The following SGPP2 variants were observed in gnomAD, a reference collection of about 807,000 sequenced individuals.
SGPP2 encodes sphingosine 1-phosphate phosphohydrolase 2.
In SGPP2, 30 loss-of-function variants were observed where a neutral mutation model predicts 33.9. That is an observed-to-expected ratio of 0.89 (90% CI 0.66 to 1.20). SGPP2 has a LOEUF of 1.20. SGPP2 is among the 50% of genes most tolerant of loss of function. The pLI, the probability that SGPP2 is intolerant of heterozygous loss-of-function variation, is 0.00. For missense variants in SGPP2, 458 were observed against 532.1 expected (o/e 0.86, Z 1.37); for synonymous variants, 233 against 225.0 (o/e 1.04, Z -0.32).
intron 4 of SGPP2, among the ~76,000 whole-genome samples, chr2:222,542,800 CTTCT>C (rs1283407869): frequency 2.7e-5 from 4 of 150,252 alleles, no homozygotes; most frequent in Non-Finnish European, 5.9e-5. Flanking sequence ...GTATTCCAAA[CTTCT>C]TTTTCTTTTC....
At position 222,521,813 on chromosome 2, in the gene SGPP2, C is replaced by T. The variant is rs757363650; in HGVS notation, c.425C>T (p.Pro142Leu). 1 of 1,610,084 alleles carries T rather than the reference C, an allele frequency of 6.2e-7. No homozygotes were observed. The highest frequency in any genetic ancestry group is 1.1e-5 in the South Asian group (1 of 90,188). The change falls in exon 3 of 5, where the codon CCC becomes CTC. Residue 142 changes from proline to leucine, a missense_variant. Pro to Leu is a moderately conservative substitution (Grantham distance 98). Transcript: ENST00000321276. ...GQVAKDVLKW[P>L]RPSSPPVVKL... ...GTGGCCAAGGATGTCTTGAAGTGGC[C>T]CCGTCCCTCCTCCCCTCCAGTTGTA...
In SGPP2 at chr2:222,476,625, C is replaced by A. The variant is rs771812562; in HGVS notation, c.378+1899C>A. ...CCTTCTGTTCTTAACATCTGAAAAC[C>A]CTTGGAAAACCTATGGGCTTGAGTT... On this transcript the variant is annotated intron_variant, in intron 2 of 4. Transcript: ENST00000321276. The surrounding 1 kb of genome is among the most constrained non-coding windows in gnomAD (Gnocchi z 4.3). Among the ~76,000 whole-genome samples the A allele has an allele frequency of 1.3e-5, 2 of 151,874 alleles. No homozygotes were observed. Among genetic ancestry groups the A allele is most frequent in the African/African-American group, 2.4e-5 (1 of 41,304 alleles).
At chr2:222,454,210 G>C (rs897748319) in intron 1 of SGPP2, among the ~76,000 whole-genome samples, 1 of 152,142 alleles carries the variant, frequency 6.6e-6, no homozygotes, top group Non-Finnish European at 1.5e-5. Context: ...GCAAGCATCT[G>C]AAGATAAAGA....
At position 222,474,639 on chromosome 2, in the gene SGPP2, C is replaced by G; in HGVS notation, c.291C>G (p.Gly97=). 1 of 1,613,838 alleles carries G rather than the reference C, an allele frequency of 6.2e-7. No individual in the cohort carries two copies. The highest frequency in any genetic ancestry group is 8.5e-7 in the Non-Finnish European group (1 of 1,179,842). The stretch of plus-strand genomic sequence containing the variant: ...TATTCCAATTTTCAGCTGCTTTGGG[C>G]CAAGAAGTGTTCTACATCACGTTTC... ...YYLFQFSAAL[G]QEVFYITFLP... The change falls in exon 2 of 5, where the codon GGC becomes GGG. Residue 97 remains glycine, a synonymous_variant. Coordinates refer to ENST00000321276, the MANE Select transcript of SGPP2 (RefSeq NM_152386.4).
At chr2:222,539,493 A>T (rs1312159379) in intron 4 of SGPP2, among the ~76,000 whole-genome samples, 2 of 152,210 alleles carry the variant, frequency 1.3e-5, no homozygotes, top group African/African-American at 4.8e-5. Flanking sequence ...GTCCGGCACC[A>T]CTACCAGATC....
At chr2:222,425,977 G>A (rs571411895) in intron 1 of SGPP2, among the ~76,000 whole-genome samples, 1 of 151,942 alleles carries the variant, frequency 6.6e-6, no homozygotes, top group Non-Finnish European at 1.5e-5. Context: ...TTTATCCCAT[G>A]TGACATTCCG....
chr2:222,557,490 G>C (rs1689432238), intron 4 of SGPP2, among the ~76,000 whole-genome samples: 1 of 152,136 alleles, frequency 6.6e-6, no homozygotes, highest in Admixed American at 6.5e-5. Flanking sequence ...GCAAGACCAA[G>C]TCTTAGAATT....
chr2:222,511,483 T>C (rs1435062603), intron 2 of SGPP2, among the ~76,000 whole-genome samples: 2 of 152,152 alleles, frequency 1.3e-5, no homozygotes, highest in Non-Finnish European at 2.9e-5. Context: ...TGCCTCCTTA[T>C]GGGTTTTTGC....
At chr2:222,478,265 ATT>A (rs1491473649) in intron 2 of SGPP2, among the ~76,000 whole-genome samples, 2 of 72,484 alleles carry the variant, frequency 2.8e-5, no homozygotes, top group Non-Finnish European at 6.0e-5. Context: ...ATGTGCATGC[ATT>A]TGTGTGTGTG....
intron 1 of SGPP2, chr2:222,453,018 T>G: frequency 6.3e-7 from 1 of 1,581,692 alleles, no homozygotes; most frequent in South Asian, 1.1e-5. Context: ...TCTGGTCTTC[T>G]GTTTCTTGAC....
intron 1 of SGPP2, among the ~76,000 whole-genome samples, chr2:222,444,193 A>G (rs372592823): frequency 6.6e-6 from 1 of 152,198 alleles, no homozygotes. Context: ...GATGGTGCAG[A>G]TCTACTTTCT....
chr2:222,458,344 C>T (rs975552442), intron 1 of SGPP2, among the ~76,000 whole-genome samples: 16 of 152,114 alleles, frequency 1.1e-4, no homozygotes, highest in African/African-American at 3.4e-4. Flanking sequence ...TGTGAGCCAC[C>T]GTGCCTGGCC....
chr2:222,455,581 T>C (rs1156729589), intron 1 of SGPP2, among the ~76,000 whole-genome samples: 2 of 152,168 alleles, frequency 1.3e-5, no homozygotes, highest in Admixed American at 6.5e-5. Context: ...TTGGGAGCCA[T>C]TGGAGGATGG....
chr2:222,449,206 A>C (rs369428406), intron 1 of SGPP2, among the ~76,000 whole-genome samples: 33 of 152,252 alleles, frequency 2.2e-4, no homozygotes, highest in African/African-American at 7.9e-4. Flanking sequence ...ACCTTCTCTA[A>C]GACATTGAGG....
chr2:222,499,301 A>G lies in SGPP2; in HGVS notation c.379-22466A>G, dbSNP rs1338258053. ...TTGAGAGGTGTTGATGGTGTGATCA[A>G]CCACCCCTCCTAATGGAGCAGAGTT... On this transcript the variant is annotated intron_variant, in intron 2 of 4. Coordinates refer to ENST00000321276, the MANE Select transcript of SGPP2 (RefSeq NM_152386.4). Among the ~76,000 whole-genome samples, 5 of 152,226 alleles carry G rather than the reference A, an allele frequency of 3.3e-5. 1 individual carries two copies. The South Asian group carries it at 6.2e-4, about 19-fold the overall frequency.
intron 1 of SGPP2, among the ~76,000 whole-genome samples, chr2:222,437,706 A>C (rs1435897712): frequency 6.6e-6 from 1 of 152,162 alleles, no homozygotes; most frequent in South Asian, 2.1e-4. Flanking sequence ...GTCAGAAAGC[A>C]CCCAGTTCAT....
intron 1 of SGPP2, among the ~76,000 whole-genome samples, chr2:222,456,201 T>C (rs1697571396): frequency 1.3e-5 from 2 of 152,226 alleles, no homozygotes; most frequent in Admixed American, 6.5e-5. Context: ...AAAAATGTGA[T>C]GGTATAGGAA....
At chr2:222,438,938 G>A (rs938492683) in intron 1 of SGPP2, among the ~76,000 whole-genome samples, 3 of 152,196 alleles carry the variant, frequency 2.0e-5, no homozygotes, top group Non-Finnish European at 2.9e-5. Flanking sequence ...CAATGGGGGG[G>A]TTCTGCCGGC....
At chr2:222,508,968 G>A (rs1475537095) in intron 2 of SGPP2, among the ~76,000 whole-genome samples, 1 of 152,084 alleles carries the variant, frequency 6.6e-6, no homozygotes, top group Non-Finnish European at 1.5e-5. Context: ...TAAAAATAAT[G>A]CCAGAAGTAT....
Sources: allele counts gnomAD v4.1 joint callset (sites outside exome capture counted in the v4.1 genomes callset), GRCh38; gene constraint gnomAD v4.1.1; non-coding constraint Gnocchi (gnomAD v3.1); transcripts MANE v1.5; gene names NCBI Gene and HGNC (gene_info 2026-07-23, HGNC 2026-07-21).